Variants in MEMO1 observed in about 807,000 individuals in gnomAD.
The protein encoded by MEMO1 is protein MEMO1.
MEMO1 carries 6 observed loss-of-function variants against 45.2 expected under a neutral mutation model. The ratio of observed to expected loss-of-function variants is 0.13; its 90% CI spans 0.07 to 0.26. MEMO1 has a LOEUF of 0.26. Among genes scored for constraint, MEMO1 ranks in the 10% least tolerant of loss-of-function variants. The pLI, the probability that MEMO1 is intolerant of heterozygous loss-of-function variation, is 1.00. For synonymous variants in MEMO1, 78 were observed against 124.3 expected (o/e 0.63, Z 2.48); for missense variants, 184 against 370.5 (o/e 0.50, Z 4.13).
chr2:31,872,204 C>G (rs1363372052), intron 8 of MEMO1, among the ~76,000 whole-genome samples: 4 of 152,172 alleles, frequency 2.6e-5, no homozygotes, highest in Non-Finnish European at 5.9e-5. Flanking sequence ...GATAAATGAA[C>G]AGAGGCACAA....
Position 31,964,263 on chromosome 2 carries a change from C to T in MEMO1, c.62-20880G>A, listed in dbSNP as rs566458454. ...ACGTACACAAACACACACACAAACACAGTTTTTTTTTTAATGCAAGAAAAC... is the reference window on the plus strand; with the variant it reads ...ACGTACACAAACACACACACAAACATAGTTTTTTTTTTAATGCAAGAAAAC... On this transcript the variant is annotated intron_variant, in intron 2 of 9. Coordinates refer to ENST00000404530, the MANE Select transcript of MEMO1 (RefSeq NM_001301833.4). Among the ~76,000 whole-genome samples, 6 of 151,714 alleles carry T rather than the reference C, an allele frequency of 4.0e-5. No individual in the cohort carries two copies. The South Asian group carries it at 1.2e-3, about 31-fold the overall frequency.
intron 6 of MEMO1, among the ~76,000 whole-genome samples, chr2:31,911,547 G>A (rs1018793838): frequency 2.6e-5 from 4 of 152,254 alleles, no homozygotes; most frequent in East Asian, 1.9e-4. Flanking sequence ...ATAATGTATC[G>A]ATATTGGTTC....
intron 6 of MEMO1, among the ~76,000 whole-genome samples, chr2:31,914,637 A>C (rs985736058): frequency 1.3e-5 from 2 of 152,144 alleles, no homozygotes; most frequent in Non-Finnish European, 2.9e-5. Context: ...AAATTAAAAA[A>C]TTTGTTTTCA....
intron 4 of MEMO1, among the ~76,000 whole-genome samples, chr2:31,928,209 C>T (rs1354761803): frequency 6.6e-6 from 1 of 152,218 alleles, no homozygotes; most frequent in African/African-American, 2.4e-5. Context: ...GCCTCTCACA[C>T]TCCCCATTAA....
At chr2:31,923,447 A>C in intron 4 of MEMO1, 1 of 493,436 alleles carries the variant, frequency 2.0e-6, no homozygotes, top group Non-Finnish European at 3.3e-6. Flanking sequence ...TTCGAGAACC[A>C]TTTCAAAAAA....
intron 2 of MEMO1, among the ~76,000 whole-genome samples, chr2:31,978,306 G>A (rs957734577): frequency 6.6e-6 from 1 of 152,144 alleles, no homozygotes; most frequent in Non-Finnish European, 1.5e-5. Context: ...AGAATCACTT[G>A]AACCCAGGAG....
intron 2 of MEMO1, among the ~76,000 whole-genome samples, chr2:31,952,768 T>C (rs1558528698): frequency 6.6e-6 from 1 of 152,200 alleles, no homozygotes; most frequent in East Asian, 1.9e-4. Flanking sequence ...GGAATATGTA[T>C]GAGGAGAACC....
At position 31,937,971 on chromosome 2, in the gene MEMO1, T is replaced by C. The variant is rs184030364; in HGVS notation, c.143+5331A>G. 9.1e-4 allele frequency among the ~76,000 whole-genome samples: 138 copies of C among 152,290 alleles called. 1 individual carries two copies. Among genetic ancestry groups the C allele is most frequent in the African/African-American group, 3.1e-3 (129 of 41,544 alleles). ...TATCTGGAAGTCATGTAGAAAGGCA[T>C]TTCAGACTTTTAGCTCATGAGATCA... On this transcript the variant is annotated intron_variant, in intron 3 of 9. Coordinates refer to ENST00000404530, the MANE Select transcript of MEMO1 (RefSeq NM_001301833.4).
intron 2 of MEMO1, among the ~76,000 whole-genome samples, chr2:32,002,003 G>A (rs917059012): frequency 8.6e-5 from 13 of 151,474 alleles, no homozygotes; most frequent in East Asian, 5.8e-4. Context: ...AAAATTAGCC[G>A]AGTGTGGTGG....
intron 5 of MEMO1, 44 bp from the exon 6 acceptor site, chr2:31,918,081 T>A (rs377353474): frequency 2.2e-4 from 295 of 1,358,744 alleles, no homozygotes; most frequent in Non-Finnish European, 2.5e-4. Flanking sequence ...TATTAATGTA[T>A]ATCCTTATCC....
intron 2 of MEMO1, among the ~76,000 whole-genome samples, chr2:32,002,581 G>C (rs965433840): frequency 2.6e-5 from 4 of 151,922 alleles, no homozygotes; most frequent in African/African-American, 9.7e-5. Flanking sequence ...AGTCAGACTG[G>C]TTCTTCAACT....
rs574088093 is a variant in MEMO1, at chr2:31,932,886, C to T, written c.144-751G>A. Among the ~76,000 whole-genome samples the T allele has an allele frequency of 7.2e-5, 11 of 152,224 alleles. No homozygotes were observed. In the South Asian group the frequency reaches 1.0e-3, roughly 14 times the overall value. On this transcript the variant is annotated intron_variant, in intron 3 of 9. Coordinates refer to ENST00000404530, the MANE Select transcript of MEMO1 (RefSeq NM_001301833.4). ...CTTCGAAGACAAAGATAATTATTCT[C>T]GTTTTCTCTCCATACTATTTTTCCC...
At chr2:31,951,279 T>C (rs1666814885) in intron 2 of MEMO1, among the ~76,000 whole-genome samples, 1 of 152,214 alleles carries the variant, frequency 6.6e-6, no homozygotes, top group Non-Finnish European at 1.5e-5. Flanking sequence ...AAGTTGCTAC[T>C]GACTGGAAAA....
At chr2:31,897,524 G>A (rs570856560) in intron 6 of MEMO1, among the ~76,000 whole-genome samples, 10 of 152,248 alleles carry the variant, frequency 6.6e-5, no homozygotes, top group Non-Finnish European at 1.3e-4. Flanking sequence ...TACATTTATC[G>A]ATTTGTATAT....
intron 2 of MEMO1, among the ~76,000 whole-genome samples, chr2:31,948,371 C>T (rs1253876102): frequency 6.6e-6 from 1 of 152,114 alleles, no homozygotes; most frequent in African/African-American, 2.4e-5. Context: ...TGCCTATTAG[C>T]ACAATAAACT....
intron 3 of MEMO1, among the ~76,000 whole-genome samples, chr2:31,937,320 G>A (rs1161354147): frequency 1.3e-5 from 2 of 152,146 alleles, no homozygotes; most frequent in Admixed American, 6.5e-5. Flanking sequence ...TAAAGTTATT[G>A]AAGTCAAATA....
At chr2:31,923,439 C>A in intron 4 of MEMO1, 2 of 438,698 alleles carry the variant, frequency 4.6e-6, no homozygotes, top group Non-Finnish European at 3.9e-6. Flanking sequence ...ATCATCAATT[C>A]GAGAACCATT....
rs1224744715 is a variant in MEMO1 at position 31,958,169 on chromosome 2, G to C, written c.62-14786C>G. Among the ~76,000 whole-genome samples the C allele has an allele frequency of 2.0e-5, 3 of 151,968 alleles. No homozygotes were observed. The East Asian group carries it at 5.9e-4, about 30-fold the overall frequency. ...GAGGGTTCTGATATTGATAAATTAG[G>C]GGGAAAACTAAGTTTGGAAATGAAG... On this transcript the variant is annotated intron_variant, in intron 2 of 9. Transcript: ENST00000404530.
At chr2:31,922,124 G>C (rs1364172271) in intron 4 of MEMO1, among the ~76,000 whole-genome samples, 2 of 152,114 alleles carry the variant, frequency 1.3e-5, no homozygotes, top group Non-Finnish European at 2.9e-5. Context: ...TATGTAGCTA[G>C]AAAAGTATTA....
Sources: gnomAD v4.1 joint callset for allele counts (sites outside exome capture counted in the v4.1 genomes callset) on GRCh38, gnomAD v4.1.1 for gene constraint, MANE v1.5 for transcripts, NCBI Gene and HGNC (gene_info 2026-07-23, HGNC 2026-07-21) for gene names.